The following PTPRA variants were observed in gnomAD, a reference collection of about 807,000 sequenced individuals.
PTPRA encodes receptor-type tyrosine-protein phosphatase alpha.
PTPRA carries 25 observed loss-of-function variants against 104.8 expected under a neutral mutation model. The observed-to-expected ratio is 0.24, with a 90% CI of 0.17 to 0.33. The LOEUF is 0.33. PTPRA is among the 10% of genes least tolerant of loss of function. The pLI is 1.00. For synonymous variants in PTPRA, 323 were observed against 368.9 expected (o/e 0.88, Z 1.43); for missense variants, 765 against 1,015.3 (o/e 0.75, Z 3.35).
chr20:2,892,289 CAAA>C (rs34741114), intron 1 of PTPRA, among the ~76,000 whole-genome samples: 6 of 80,538 alleles, frequency 7.4e-5, no homozygotes, highest in Non-Finnish European at 4.9e-5. Flanking sequence ...GACTCTGTCT[CAAA>C]AAAAAAAAAA....
chr20:3,009,977 T>C (rs960231683), intron 11 of PTPRA, among the ~76,000 whole-genome samples: 8 of 151,984 alleles, frequency 5.3e-5, no homozygotes, highest in Non-Finnish European at 2.9e-5. Flanking sequence ...GCCTCCCTAG[T>C]AGCCAGGATT....
chr20:2,903,858 T>C (rs1294885692), intron 1 of PTPRA, among the ~76,000 whole-genome samples: 1 of 152,142 alleles, frequency 6.6e-6, no homozygotes. Flanking sequence ...TCCAGATGAA[T>C]AAGCCATCTG....
intron 9 of PTPRA, among the ~76,000 whole-genome samples, chr20:2,991,053 G>A (rs2063151052): frequency 6.6e-6 from 1 of 152,052 alleles, no homozygotes; most frequent in South Asian, 2.1e-4. Flanking sequence ...ATTATTGATT[G>A]ATAAGATTTA....
At chr20:2,993,677 T>G (rs375334280) in intron 9 of PTPRA, among the ~76,000 whole-genome samples, 7 of 152,246 alleles carry the variant, frequency 4.6e-5, no homozygotes, top group East Asian at 3.8e-4. Context: ...CTGTAGCACT[T>G]AAGATCCTGC....
chr20:2,881,164 G>A (rs956209307), intron 1 of PTPRA, among the ~76,000 whole-genome samples: 2 of 151,728 alleles, frequency 1.3e-5, no homozygotes, highest in Non-Finnish European at 2.9e-5. Context: ...AGAATTCGCC[G>A]GGCGTGGTGG....
At chr20:2,951,896 T>G (rs2061365943) in intron 3 of PTPRA, among the ~76,000 whole-genome samples, 1 of 152,114 alleles carries the variant, frequency 6.6e-6, no homozygotes, top group African/African-American at 2.4e-5. Context: ...ATCCCAGCAC[T>G]TTGGGAGGCC....
intron 1 of PTPRA, among the ~76,000 whole-genome samples, chr20:2,886,573 G>A (rs899657686): frequency 1.3e-5 from 2 of 151,886 alleles, no homozygotes; most frequent in African/African-American, 2.4e-5. Context: ...GGCCAGGCAC[G>A]GTGACTCACA....
Position 3,025,372 on chromosome 20 carries a change from G to A in PTPRA, c.1614+751G>A, listed in dbSNP as rs2065080690. Reference sequence around the variant, plus strand: ...GGAGGCTGAGGCGAGAGAATTGCTTGAACCCGGAAGGCAGAGGTTGCAGTG... The same window carrying A: ...GGAGGCTGAGGCGAGAGAATTGCTTAAACCCGGAAGGCAGAGGTTGCAGTG... On this transcript the variant is annotated intron_variant, in intron 17 of 23. Transcript: ENST00000399903. 2.7e-5 allele frequency among the ~76,000 whole-genome samples: 4 copies of A among 149,744 alleles called. No homozygotes were observed. The South Asian group carries it at 6.3e-4, about 24-fold the overall frequency.
At chr20:2,915,407 T>G (rs1019194629) in intron 1 of PTPRA, among the ~76,000 whole-genome samples, 17 of 152,224 alleles carry the variant, frequency 1.1e-4, no homozygotes, top group African/African-American at 3.9e-4. Flanking sequence ...TTAGTATATA[T>G]TCTTTGGAGA....
intron 20 of PTPRA, among the ~76,000 whole-genome samples, chr20:3,033,685 T>G (rs1366011784): frequency 6.6e-6 from 1 of 151,738 alleles, no homozygotes; most frequent in Non-Finnish European, 1.5e-5. Flanking sequence ...GTGGATCACC[T>G]GAGGTCGGGA....
intron 3 of PTPRA, among the ~76,000 whole-genome samples, chr20:2,962,252 T>A (rs2061781563): frequency 6.6e-6 from 1 of 151,912 alleles, no homozygotes; most frequent in Non-Finnish European, 1.5e-5. Flanking sequence ...CTTCTTTATG[T>A]TTAGGAGCTT....
Position 2,950,435 on chromosome 20 carries a change from G to A in PTPRA, c.-7+2411G>A, listed in dbSNP as rs958279370. 6.6e-6 allele frequency among the ~76,000 whole-genome samples: 1 copy of A among 151,560 alleles called. No homozygotes were observed. Among genetic ancestry groups the A allele is most frequent in the Non-Finnish European group, 1.5e-5 (1 of 67,906 alleles). On this transcript the variant is annotated intron_variant, in intron 3 of 23. Coordinates refer to ENST00000399903, the MANE Select transcript of PTPRA (RefSeq NM_001385305.1). This position sits in a 1 kb window ranked among gnomAD's most constrained non-coding sequence, Gnocchi z 4.0. ...GGGCGGATCACGAGGTCAAGAGATC[G>A]AGACCATCCTGGCCATCATGGTGAA... is the stretch of plus-strand genomic sequence containing the variant.
chr20:2,874,151 A>G (rs1425644898), intron 1 of PTPRA, among the ~76,000 whole-genome samples: 4 of 152,192 alleles, frequency 2.6e-5, no homozygotes, highest in Admixed American at 6.5e-5. Context: ...TTGCTTTTGC[A>G]GTGACCAACT....
intron 3 of PTPRA, among the ~76,000 whole-genome samples, chr20:2,957,455 G>A (rs1050679092): frequency 4.0e-4 from 61 of 152,360 alleles, no homozygotes; most frequent in Admixed American, 2.9e-3. Flanking sequence ...TGGAATGGTG[G>A]AACAAGAAGC....
intron 4 of PTPRA, 45 bp from the exon 5 acceptor site, chr20:2,964,816 C>T (rs1213758076): frequency 1.0e-5 from 15 of 1,506,032 alleles, no homozygotes; most frequent in African/African-American, 1.4e-5. Context: ...GCTTTTTAGC[C>T]TCACATTCTT....
Position 3,035,306 on chromosome 20 carries a change from G to T in PTPRA, c.1921-279G>T, listed in dbSNP as rs138950156. On this transcript the variant is annotated intron_variant, in intron 20 of 23. Coordinates refer to ENST00000399903, the MANE Select transcript of PTPRA (RefSeq NM_001385305.1). This position sits in a 1 kb window ranked among gnomAD's most constrained non-coding sequence, Gnocchi z 5.8. ...GGAATTGGAACAAAGATTTTCACTCGTCCTCCTCTCCCTGCAGCCACCAAG... is the reference window on the plus strand; with the variant it reads ...GGAATTGGAACAAAGATTTTCACTCTTCCTCCTCTCCCTGCAGCCACCAAG... Among the ~76,000 whole-genome samples, 1 of 152,062 alleles carries T rather than the reference G, an allele frequency of 6.6e-6. No individual in the cohort carries two copies. The highest frequency in any genetic ancestry group is 1.5e-5 in the Non-Finnish European group (1 of 68,022).
At chr20:2,904,666 C>CAAA (rs397865578) in intron 1 of PTPRA, among the ~76,000 whole-genome samples, 3 of 66,104 alleles carry the variant, frequency 4.5e-5, no homozygotes, top group East Asian at 4.0e-4. Context: ...GACTCCGTCT[C>CAAA]AAAAAAAAAA....
chr20:3,019,746 G>A (rs933578414), intron 13 of PTPRA, among the ~76,000 whole-genome samples: 1 of 152,148 alleles, frequency 6.6e-6, no homozygotes, highest in Non-Finnish European at 1.5e-5. Context: ...AGGTTGTAGC[G>A]AGCCAAGATC....
At chr20:2,957,712 A>G (rs1215694587) in intron 3 of PTPRA, among the ~76,000 whole-genome samples, 1 of 152,178 alleles carries the variant, frequency 6.6e-6, no homozygotes, top group Non-Finnish European at 1.5e-5. Context: ...TTCTGGATAT[A>G]GTGACTGGGG....
Sources: allele counts gnomAD v4.1 joint callset (sites outside exome capture counted in the v4.1 genomes callset), GRCh38; gene constraint gnomAD v4.1.1; non-coding constraint Gnocchi (gnomAD v3.1); transcripts MANE v1.5; gene names NCBI Gene and HGNC (gene_info 2026-07-23, HGNC 2026-07-21).